GLIS3: variants seen among roughly 807,000 people sequenced by gnomAD.
GLIS3 encodes zinc finger protein GLIS3.
GLIS3 carries 53 observed loss-of-function variants against 78.6 expected under a neutral mutation model. That is an observed-to-expected ratio of 0.67 (90% confidence interval 0.54 to 0.85). The LOEUF is 0.85. Among genes scored for constraint, GLIS3 ranks in the 40% least tolerant of loss-of-function variants. GLIS3 has a pLI of 0.00. For synonymous variants in GLIS3, 684 were observed against 509.9 expected, an observed-to-expected ratio of 1.34 and a Z score of -4.60; for missense variants, 1,703 against 1,231.1, an observed-to-expected ratio of 1.38 and a Z score of -5.74.
chr9:4,260,231 G>C (rs1405260649), intron 2 of GLIS3, among the ~76,000 whole-genome samples: 2 of 152,130 alleles, frequency 1.3e-5, no homozygotes, highest in African/African-American at 4.8e-5. Flanking sequence ...AAGAGATTGA[G>C]ACCATCCTGC....
the GLIS3 span, among the ~76,000 whole-genome samples, chr9:4,406,547 G>C: frequency 9.9e-5 from 15 of 151,840 alleles, no homozygotes; most frequent in Non-Finnish European, 1.9e-4. Context: ...TCTTATACTT[G>C]GAAAAACACT....
intron 4 of GLIS3, among the ~76,000 whole-genome samples, chr9:3,947,641 T>C (rs973103451): frequency 6.6e-5 from 10 of 152,228 alleles, no homozygotes; most frequent in African/African-American, 1.7e-4. Flanking sequence ...TAATTTACCA[T>C]AAATTGGCCC....
the GLIS3 span, among the ~76,000 whole-genome samples, chr9:4,487,418 G>A: frequency 6.6e-6 from 1 of 151,982 alleles, no homozygotes; most frequent in African/African-American, 2.4e-5. Context: ...GATAATTAAT[G>A]CCCCCATTTT....
the GLIS3 span, among the ~76,000 whole-genome samples, chr9:4,357,523 C>T: frequency 6.6e-6 from 1 of 151,720 alleles, no homozygotes; most frequent in African/African-American, 2.4e-5. Flanking sequence ...CTGTAGATCT[C>T]GGGACTTTTC....
At chr9:4,272,174 A>G (rs903471766) in intron 2 of GLIS3, among the ~76,000 whole-genome samples, 1 of 152,104 alleles carries the variant, frequency 6.6e-6, no homozygotes, top group Non-Finnish European at 1.5e-5. Flanking sequence ...CAAAACCACT[A>G]TTTTAAGCAA....
chr9:3,971,078 GGAAGGAAGGAAGGATAGATC>G (rs1263957458), intron 4 of GLIS3, among the ~76,000 whole-genome samples: 9 of 138,216 alleles, frequency 6.5e-5, no homozygotes, highest in Non-Finnish European at 1.4e-4. Flanking sequence ...ATTAATTGAA[GGAAGGAAGGAAGGATAGATC>G]GAAGGAAGGA....
intron 4 of GLIS3, among the ~76,000 whole-genome samples, chr9:3,953,327 T>C (rs752821617): frequency 1.3e-5 from 2 of 152,228 alleles, no homozygotes; most frequent in African/African-American, 2.4e-5. Flanking sequence ...GTATTTATAA[T>C]ATACAGAAGG....
intron 2 of GLIS3, among the ~76,000 whole-genome samples, chr9:4,246,087 C>T (rs1419676756): frequency 6.6e-6 from 1 of 152,010 alleles, no homozygotes; most frequent in Non-Finnish European, 1.5e-5. Flanking sequence ...CTTAAAATAC[C>T]TATTTCAGGC....
At chr9:4,480,391 A>C in the GLIS3 span, among the ~76,000 whole-genome samples, 2 of 151,730 alleles carry the variant, frequency 1.3e-5, no homozygotes, top group African/African-American at 4.8e-5. Flanking sequence ...TTGTAGAGTC[A>C]GTGTCTCATT....
intron 4 of GLIS3, chr9:4,071,837 A>G (rs1182495644): frequency 1.3e-5 from 2 of 152,214 alleles, no homozygotes; most frequent in Non-Finnish European, 2.9e-5. Flanking sequence ...TTCCTAATAT[A>G]TCATTTTAAA....
At chr9:3,881,348 G>A (rs932488036) in intron 7 of GLIS3, among the ~76,000 whole-genome samples, 3 of 152,062 alleles carry the variant, frequency 2.0e-5, no homozygotes, top group African/African-American at 7.2e-5. Flanking sequence ...AATGCACCCA[G>A]TATTTATTTT....
At chr9:4,199,845 A>T (rs187835451) in intron 2 of GLIS3, among the ~76,000 whole-genome samples, 1 of 152,168 alleles carries the variant, frequency 6.6e-6, no homozygotes, top group Non-Finnish European at 1.5e-5. Flanking sequence ...ACCTTCAACG[A>T]AAGAATATAT....
intron 7 of GLIS3, among the ~76,000 whole-genome samples, chr9:3,884,572 T>C (rs1237540614): frequency 6.6e-6 from 1 of 152,182 alleles, no homozygotes; most frequent in Non-Finnish European, 1.5e-5. Context: ...CTTTGAGTAG[T>C]AGGTGCTGGG....
At chr9:4,185,953 G>A (rs756316354) in intron 2 of GLIS3, among the ~76,000 whole-genome samples, 9 of 152,040 alleles carry the variant, frequency 5.9e-5, no homozygotes, top group Non-Finnish European at 8.8e-5. Context: ...CATATCTGGC[G>A]CAGTGTGTCA....
At chr9:4,013,271 A>T (rs1822180618) in intron 4 of GLIS3, among the ~76,000 whole-genome samples, 1 of 152,168 alleles carries the variant, frequency 6.6e-6, no homozygotes, top group South Asian at 2.1e-4. Flanking sequence ...CTTACGTGAC[A>T]GACTTTTAGA....
At chr9:4,482,993 T>C in the GLIS3 span, among the ~76,000 whole-genome samples, 2 of 152,202 alleles carry the variant, frequency 1.3e-5, no homozygotes, top group African/African-American at 2.4e-5. Flanking sequence ...CAATTTGGCT[T>C]GGAGAAAGAA....
At chr9:4,468,761 G>T in the GLIS3 span, among the ~76,000 whole-genome samples, 2 of 152,154 alleles carry the variant, frequency 1.3e-5, no homozygotes, top group African/African-American at 4.8e-5. Flanking sequence ...ACATCATAAT[G>T]ACAGGATCAA....
chr9:4,013,710 G>C (rs1357655937), intron 4 of GLIS3, among the ~76,000 whole-genome samples: 1 of 152,162 alleles, frequency 6.6e-6, no homozygotes, highest in Non-Finnish European at 1.5e-5. Context: ...GTCAGTGCTT[G>C]ATCTTTCAGT....
At chr9:4,017,204 G>T (rs62521661) in intron 4 of GLIS3, among the ~76,000 whole-genome samples, 9 of 152,094 alleles carry the variant, frequency 5.9e-5, no homozygotes, top group Non-Finnish European at 1.3e-4. Flanking sequence ...TCTGTACGTT[G>T]GCTAGGCATT....
Sources: gnomAD v4.1 joint callset for allele counts (sites outside exome capture counted in the v4.1 genomes callset) on GRCh38, gnomAD v4.1.1 for gene constraint, MANE v1.5 for transcripts, NCBI Gene and HGNC (gene_info 2026-07-23, HGNC 2026-07-21) for gene names.